The following TRIM71 variants were observed in gnomAD, a reference collection of about 807,000 sequenced individuals.
TRIM71 encodes the protein tripartite motif containing 71.
A neutral mutation model predicts 61.2 loss-of-function variants in TRIM71; 9 were observed. The ratio of observed to expected loss-of-function variants is 0.15; its 90% confidence interval spans 0.09 to 0.26. The LOEUF (loss-of-function observed/expected upper bound fraction) is 0.26. TRIM71 is among the 10% of genes least tolerant of loss of function. The pLI is 1.00. For synonymous variants in TRIM71, 645 were observed against 553.2 expected, an observed-to-expected ratio of 1.17 and a Z score of -2.33; for missense variants, 998 against 1,238.7, an observed-to-expected ratio of 0.81 and a Z score of 2.92.
chr3:32,891,815 C>T lies in TRIM71; in HGVS notation c.*4C>T. On this transcript the variant is annotated 3_prime_UTR_variant, in exon 4 of 4. Transcript: ENST00000383763. This position sits in a 1 kb window ranked among gnomAD's most constrained non-coding sequence, Gnocchi z 8.2. ...CAATCGAATCCTCGTCTTCTAATTG[C>T]ATTTCCTAGGTTTCTGTGTTTGGGG... is the stretch of plus-strand genomic sequence containing the variant. 1 of 1,613,306 alleles carries T rather than the reference C, an allele frequency of 6.2e-7. No homozygotes were observed. Among genetic ancestry groups the T allele is most frequent in the South Asian group, 1.1e-5 (1 of 91,052 alleles).
rs71068090 is a variant in TRIM71, at chr3:32,826,582, C to CTTTTTTTTTTTTTTTTTTTTTT, written c.852+7651_852+7672dup. Among the ~76,000 whole-genome samples the CTTTTTTTTTTTTTTTTTTTTTT allele has an allele frequency of 2.4e-5, 2 of 83,092 alleles. 1 individual carries two copies. Among genetic ancestry groups the CTTTTTTTTTTTTTTTTTTTTTT allele is most frequent in the Non-Finnish European group, 4.1e-5 (2 of 48,554 alleles). The allele number at this position is 83,092 out of a possible 152,430, so 54.5% of individuals were successfully genotyped here. A position where few individuals can be genotyped will look rare whatever the true frequency, so the allele number is the denominator to read the frequency against. ...AACTTTAATTCCCATCAGGTGAGTT[C>CTTTTTTTTTTTTTTTTTTTTTT]TTTTTTTTTTTTTTTTTTTTTTGAG... On this transcript the variant is annotated intron_variant, in intron 1 of 3. Coordinates refer to ENST00000383763, the MANE Select transcript of TRIM71 (RefSeq NM_001039111.3).
chr3:32,868,743 A>G (rs1395830965), intron 1 of TRIM71, among the ~76,000 whole-genome samples: 4 of 150,560 alleles, frequency 2.7e-5, no homozygotes, highest in Admixed American at 6.6e-5. Context: ...TTGAACAAAT[A>G]CTTGTTACCT....
intron 1 of TRIM71, among the ~76,000 whole-genome samples, chr3:32,859,364 A>G (rs1232143865): frequency 6.6e-6 from 1 of 151,996 alleles, no homozygotes; most frequent in Non-Finnish European, 1.5e-5. Flanking sequence ...GGTTCAAACG[A>G]TTCTCCTGCC....
At chr3:32,865,038 ACTGTAG>A (rs1696716918) in intron 1 of TRIM71, among the ~76,000 whole-genome samples, 1 of 151,988 alleles carries the variant, frequency 6.6e-6, no homozygotes, top group Non-Finnish European at 1.5e-5. Flanking sequence ...TGTAAAACTC[ACTGTAG>A]CAGGGCCAGG....
At chr3:32,870,903 C>T (rs1271805716) in intron 1 of TRIM71, among the ~76,000 whole-genome samples, 1 of 151,804 alleles carries the variant, frequency 6.6e-6, no homozygotes, top group Admixed American at 6.6e-5. Flanking sequence ...GCCTCAACTT[C>T]TTAGGCTCAA....
At chr3:32,830,588 C>T (rs977699869) in intron 1 of TRIM71, among the ~76,000 whole-genome samples, 7 of 152,104 alleles carry the variant, frequency 4.6e-5, no homozygotes, top group Admixed American at 2.0e-4. Context: ...AGCAATTTGG[C>T]ATTGATGGAT....
At chr3:32,889,655 C>T (rs982137964) in intron 3 of TRIM71, among the ~76,000 whole-genome samples, 1 of 150,858 alleles carries the variant, frequency 6.6e-6, no homozygotes, top group Non-Finnish European at 1.5e-5. Context: ...ATGGTGTGAT[C>T]TCTACTCACT....
intron 1 of TRIM71, among the ~76,000 whole-genome samples, chr3:32,836,470 T>C (rs903029300): frequency 6.6e-6 from 1 of 152,238 alleles, no homozygotes. Context: ...ACAAAGGATT[T>C]TTCTGAGGCC....
chr3:32,874,922 G>A (rs1696839248), intron 2 of TRIM71, among the ~76,000 whole-genome samples: 2 of 152,142 alleles, frequency 1.3e-5, no homozygotes, highest in Non-Finnish European at 2.9e-5. Context: ...TCAGGTTCAA[G>A]TGATTCTGCT....
chr3:32,863,842 T>G (rs1696701052), intron 1 of TRIM71, among the ~76,000 whole-genome samples: 1 of 152,046 alleles, frequency 6.6e-6, no homozygotes, highest in African/African-American at 2.4e-5. Flanking sequence ...CCACCAGGCC[T>G]GGCTAACTTT....
chr3:32,857,106 C>T (rs893266038), intron 1 of TRIM71, among the ~76,000 whole-genome samples: 2 of 152,216 alleles, frequency 1.3e-5, no homozygotes, highest in African/African-American at 4.8e-5. Flanking sequence ...ACCTCTGGCC[C>T]CTCAAGGTCA....
chr3:32,826,604 T>TTTTTTTTTTTTTTA (rs1696205683), intron 1 of TRIM71, among the ~76,000 whole-genome samples: 1 of 147,698 alleles, frequency 6.8e-6, no homozygotes, highest in African/African-American at 2.5e-5. Context: ...TTTTTTTTTT[T>TTTTTTTTTTTTTTA]GAGAGGGAGC....
chr3:32,840,329 A>G (rs1559540284), intron 1 of TRIM71, among the ~76,000 whole-genome samples: 1 of 151,966 alleles, frequency 6.6e-6, no homozygotes, highest in Non-Finnish European at 1.5e-5. Context: ...AGGCCAACAA[A>G]CCCCGCATTC....
Position 32,890,255 on chromosome 3 carries a change from T to C in TRIM71, c.1156-105T>C, listed in dbSNP as rs543851315. On this transcript the variant is annotated intron_variant, in intron 3 of 3. Coordinates refer to ENST00000383763, the MANE Select transcript of TRIM71 (RefSeq NM_001039111.3). This position sits in a 1 kb window ranked among gnomAD's most constrained non-coding sequence, Gnocchi z 6.2. The stretch of plus-strand genomic sequence containing the variant: ...GTCTTTTGTAGACCATCCCACAATA[T>C]GTGTTTGTCTGATGCTTCCTTGTGA... 1 of 1,422,804 alleles carries C rather than the reference T, an allele frequency of 7.0e-7. No individual in the cohort carries two copies. The highest frequency in any genetic ancestry group is 1.4e-5 in the African/African-American group (1 of 70,022). The allele number at this position is 1,422,804 out of a possible 1,614,324, so 88.1% of individuals were successfully genotyped here. A position where few individuals can be genotyped will look rare whatever the true frequency, so the allele number is the denominator to read the frequency against.
At chr3:32,820,990 C>T (rs1388189666) in intron 1 of TRIM71, among the ~76,000 whole-genome samples, 1 of 152,068 alleles carries the variant, frequency 6.6e-6, no homozygotes, top group Non-Finnish European at 1.5e-5. Flanking sequence ...ATTTAGAACG[C>T]TAGAAATTTG....
intron 1 of TRIM71, among the ~76,000 whole-genome samples, chr3:32,819,137 G>A (rs1389012649): frequency 6.6e-6 from 1 of 152,154 alleles, no homozygotes; most frequent in East Asian, 1.9e-4. Context: ...GTGTCGCGAG[G>A]GGCTCCGAAA....
intron 2 of TRIM71, among the ~76,000 whole-genome samples, chr3:32,883,017 G>A (rs979489131): frequency 1.3e-5 from 2 of 151,900 alleles, no homozygotes; most frequent in African/African-American, 2.4e-5. Context: ...GCTTCTGCAG[G>A]TACTCTCTGC....
chr3:32,877,578 C>T (rs72852836), intron 2 of TRIM71, among the ~76,000 whole-genome samples: 1,816 of 152,118 alleles, frequency 0.012, 40 homozygotes, highest in African/African-American at 0.04. Context: ...TGATCTCACT[C>T]AAACTCCTGG....
intron 3 of TRIM71, among the ~76,000 whole-genome samples, chr3:32,886,838 A>G (rs988500050): frequency 5.3e-5 from 8 of 152,054 alleles, no homozygotes; most frequent in African/African-American, 1.2e-4. Context: ...GGGCCCTACA[A>G]TGTTCTGCAA....
Sources: allele counts gnomAD v4.1 joint callset (sites outside exome capture counted in the v4.1 genomes callset), GRCh38; gene constraint gnomAD v4.1.1; non-coding constraint Gnocchi (gnomAD v3.1); transcripts MANE v1.5; gene names NCBI Gene and HGNC (gene_info 2026-07-23, HGNC 2026-07-21).